Variants in ZNF589 observed in about 807,000 individuals in gnomAD.
ZNF589 encodes the protein KRAB-zinc finger protein SZF1-1.
ZNF589 carries 17 observed loss-of-function variants against 13.6 expected under a neutral mutation model. The observed-to-expected ratio is 1.25, with a 90% CI of 0.86 to 1.88. ZNF589 has a LOEUF of 1.88. Among genes scored for constraint, ZNF589 ranks in the 40% most tolerant of loss-of-function variants. The pLI, the probability that ZNF589 is intolerant of heterozygous loss-of-function variation, is 0.00. For synonymous variants in ZNF589, 148 were observed against 161.6 expected (o/e 0.92, Z 0.64); for missense variants, 407 against 434.0 (o/e 0.94, Z 0.55).
intron 1 of ZNF589, 132 bp from the exon 2 acceptor site, chr3:48,247,493 T>TGA (rs749786690): frequency 7.6e-6 from 6 of 794,116 alleles, no homozygotes; most frequent in Non-Finnish European, 1.2e-5. Flanking sequence ...AGGCAGGAGG[T>TGA]GAGAGGAGCT....
chr3:48,259,875 C>T (rs1049146986), intron 2 of ZNF589, among the ~76,000 whole-genome samples: 4 of 148,986 alleles, frequency 2.7e-5, no homozygotes, highest in Admixed American at 1.3e-4. Flanking sequence ...GCCAAGATCA[C>T]GCCACTGCAG....
intron 3 of ZNF589, among the ~76,000 whole-genome samples, chr3:48,267,460 G>C (rs1358432478): frequency 6.6e-6 from 1 of 151,350 alleles, no homozygotes; most frequent in Non-Finnish European, 1.5e-5. Context: ...ACAGTGGCAT[G>C]ATCTTGGCTC....
intron 2 of ZNF589, among the ~76,000 whole-genome samples, chr3:48,258,542 G>A (rs2033934260): frequency 6.6e-6 from 1 of 152,092 alleles, no homozygotes; most frequent in Admixed American, 6.5e-5. Flanking sequence ...TGGACAGAAT[G>A]TTTGATTACT....
chr3:48,269,792 G>A lies in ZNF589; in HGVS notation c.*1006G>A. 2.8e-6 allele frequency: 1 copy of A among 355,484 alleles called. No homozygotes were observed. 22.0% of individuals were successfully genotyped at this position (355,484 alleles called of 1,614,324 possible). A position where few individuals can be genotyped will look rare whatever the true frequency, so the allele number is the denominator to read the frequency against. ...GAAGCCTTGTTTGTAAGGTAATGTG[G>A]ACAGAGCTGTACGTGGACATCATTA... On this transcript the variant is annotated 3_prime_UTR_variant, in exon 4 of 4. Coordinates refer to ENST00000354698, the MANE Select transcript of ZNF589 (RefSeq NM_016089.3).
intron 2 of ZNF589, among the ~76,000 whole-genome samples, chr3:48,253,724 G>A (rs1218803119): frequency 2.6e-5 from 4 of 151,338 alleles, no homozygotes; most frequent in South Asian, 4.2e-4. Flanking sequence ...GGATGGTCTC[G>A]ATCTCCTGAC....
At chr3:48,252,732 C>T (rs199663582) in intron 2 of ZNF589, among the ~76,000 whole-genome samples, 2 of 145,906 alleles carry the variant, frequency 1.4e-5, no homozygotes, top group East Asian at 4.2e-4. Flanking sequence ...ACGCCATTCT[C>T]TTGCCTCAGC....
chr3:48,246,478 T>A (rs996412025), intron 1 of ZNF589, among the ~76,000 whole-genome samples: 45 of 152,212 alleles, frequency 3.0e-4, no homozygotes, highest in African/African-American at 1.1e-3. Flanking sequence ...ATATAATAAT[T>A]ATTATTTTTA....
intron 2 of ZNF589, among the ~76,000 whole-genome samples, chr3:48,253,864 G>A (rs1322546106): frequency 6.6e-6 from 1 of 152,130 alleles, no homozygotes; most frequent in Admixed American, 6.5e-5. Flanking sequence ...CCTCAAGTGA[G>A]AGGATTGCTT....
chr3:48,255,581 C>A (rs1484308248), intron 2 of ZNF589, among the ~76,000 whole-genome samples: 1 of 151,218 alleles, frequency 6.6e-6, no homozygotes, highest in Non-Finnish European at 1.5e-5. Flanking sequence ...GCAACCTCCG[C>A]CTCCCGGGTT....
chr3:48,245,645 C>T (rs1420172310), intron 1 of ZNF589, among the ~76,000 whole-genome samples: 2 of 152,154 alleles, frequency 1.3e-5, no homozygotes, highest in Non-Finnish European at 2.9e-5. Context: ...TCTTTCCCCT[C>T]AGCAAAGATA....
chr3:48,255,044 C>T (rs1376055995), intron 2 of ZNF589, among the ~76,000 whole-genome samples: 1 of 152,048 alleles, frequency 6.6e-6, no homozygotes, highest in African/African-American at 2.4e-5. Context: ...ACATCCTTGC[C>T]TTGTTTCCAG....
chr3:48,267,313 C>T (rs1445363516), intron 3 of ZNF589, among the ~76,000 whole-genome samples: 1 of 152,166 alleles, frequency 6.6e-6, no homozygotes, highest in African/African-American at 2.4e-5. Flanking sequence ...CTGAAGATAA[C>T]AAACAACCAT....
intron 3 of ZNF589, among the ~76,000 whole-genome samples, chr3:48,263,453 C>T (rs1047380822): frequency 6.6e-6 from 1 of 151,720 alleles, no homozygotes; most frequent in East Asian, 2.0e-4. Flanking sequence ...ATTATTAAAA[C>T]ATTCTGCAGC....
chr3:48,255,195 T>TA (rs2033885122), intron 2 of ZNF589, among the ~76,000 whole-genome samples: 1 of 151,558 alleles, frequency 6.6e-6, no homozygotes, highest in Non-Finnish European at 1.5e-5. Flanking sequence ...TTTTTTTTTT[T>TA]AAGACAGTCT....
rs2034068822 is a variant in ZNF589 at position 48,269,683 on chromosome 3, GA to G, written c.*901del. 3 of 336,268 alleles carry G rather than the reference GA, an allele frequency of 8.9e-6. No individual in the cohort carries two copies. Among genetic ancestry groups the G allele is most frequent in the African/African-American group, 2.2e-5 (1 of 46,508 alleles). The allele number at this position is 336,268 out of a possible 1,614,324, so 20.8% of individuals were successfully genotyped here. ...TCATACACCAGAAGATACACTCGGG[GA>G]AAAGCTTTAGAGGTGCAAGGAGTGA... On this transcript the variant is annotated 3_prime_UTR_variant, in exon 4 of 4. Coordinates refer to ENST00000354698, the MANE Select transcript of ZNF589 (RefSeq NM_016089.3).
chr3:48,259,379 A>T (rs1231440952), intron 2 of ZNF589, among the ~76,000 whole-genome samples: 1 of 152,122 alleles, frequency 6.6e-6, no homozygotes. Context: ...CTCTCAGGGG[A>T]GGATGCTAGG....
rs780667022 is a variant in ZNF589, at chr3:48,241,182, C to G, written c.11C>G (p.Pro4Arg). 1 of 1,613,626 alleles carries G rather than the reference C, an allele frequency of 6.2e-7. No homozygotes were observed. The highest frequency in any genetic ancestry group is 1.3e-5 in the African/African-American group (1 of 75,052). The change falls in exon 1 of 4, where the codon CCG becomes CGG. Residue 4 changes from proline (P) to arginine (R), a missense_variant. Pro to Arg is a moderately radical substitution (Grantham distance 103). Transcript: ENST00000354698. ...TGCGTGCGCGCGCAGATGTGGGCCC[C>G]GCGGGAGCAGCTACTGGGCTGGACT... MWA[P>R]REQLLGWTAE...
chr3:48,248,271 C>T (rs1335798482), intron 2 of ZNF589, among the ~76,000 whole-genome samples: 2 of 152,116 alleles, frequency 1.3e-5, no homozygotes, highest in Non-Finnish European at 2.9e-5. Context: ...GGTGACATCC[C>T]CATTTTCGAG....
chr3:48,245,011 C>T (rs1485722494), intron 1 of ZNF589, among the ~76,000 whole-genome samples: 1 of 151,814 alleles, frequency 6.6e-6, no homozygotes, highest in Non-Finnish European at 1.5e-5. Flanking sequence ...GATGGGGTTT[C>T]ACCATGTTGG....
Sources: allele counts gnomAD v4.1 joint callset (sites outside exome capture counted in the v4.1 genomes callset), GRCh38; gene constraint gnomAD v4.1.1; transcripts MANE v1.5; gene names NCBI Gene and HGNC (gene_info 2026-07-23, HGNC 2026-07-21).